HNF4A: variants seen among roughly 807,000 people sequenced by gnomAD.
HNF4A encodes hepatocyte nuclear factor 4-alpha.
Under a neutral mutation model 52.4 loss-of-function variants are expected in HNF4A, and 15 were observed. The ratio of observed to expected loss-of-function variants is 0.29; its 90% CI spans 0.19 to 0.44. The LOEUF (loss-of-function observed/expected upper bound fraction) is 0.44, where lower values mean the gene tolerates loss of function less well. Ranked by LOEUF, HNF4A falls within the 20% of genes least tolerant of loss-of-function variation. HNF4A has a pLI of 1.00. For synonymous variants in HNF4A, 280 were observed against 264.4 expected (o/e 1.06, Z -0.57); for missense variants, 479 against 647.2 (o/e 0.74, Z 2.82).
chr20:44,379,404 G>A (rs920424156), intron 1 of HNF4A, among the ~76,000 whole-genome samples: 6 of 151,882 alleles, frequency 4.0e-5, no homozygotes, highest in East Asian at 1.9e-4. Context: ...ACTATTTTAC[G>A]TTCCCACCAG....
At chr20:44,405,381 G>C (rs2063486352) in intron 1 of HNF4A, among the ~76,000 whole-genome samples, 1 of 152,178 alleles carries the variant, frequency 6.6e-6, no homozygotes. Context: ...GGAAAGCGAA[G>C]TTGCCCAAGT....
At chr20:44,367,771 A>G (rs1974131404) in intron 1 of HNF4A, among the ~76,000 whole-genome samples, 1 of 152,090 alleles carries the variant, frequency 6.6e-6, no homozygotes, top group Non-Finnish European at 1.5e-5. Context: ...ACAAAGTGAG[A>G]AAATAAATAA....
At chr20:44,392,463 G>A (rs925925990) in intron 1 of HNF4A, among the ~76,000 whole-genome samples, 10 of 151,986 alleles carry the variant, frequency 6.6e-5, no homozygotes, top group African/African-American at 1.7e-4. Context: ...CCCAAGATTC[G>A]ATCATTGATC....
At chr20:44,370,088 G>A (rs529382902) in intron 1 of HNF4A, among the ~76,000 whole-genome samples, 148 of 151,836 alleles carry the variant, frequency 9.7e-4, no homozygotes, top group African/African-American at 3.3e-3. Context: ...GTGCGGTGGC[G>A]CGATCTCGGC....
Position 44,428,365 on chromosome 20 carries a change from AC to A in HNF4A, c.1165del (p.Leu389CysfsTer5), listed in dbSNP as rs1283736704. 1 of 1,613,398 alleles carries A rather than the reference AC, an allele frequency of 6.2e-7. No individual in the cohort carries two copies. Among genetic ancestry groups the A allele is most frequent in the Non-Finnish European group, 8.5e-7 (1 of 1,179,832 alleles). On this transcript the variant is annotated frameshift_variant, in exon 9 of 10. Coordinates refer to ENST00000316099, the MANE Select transcript of HNF4A (RefSeq NM_000457.6). LOFTEE classifies it high-confidence loss of function. ...CCCAGCGATGCACCCCATGCCCACC[AC>A]CCCCTGCACCCTCACCTGATGCAGG... is the stretch of plus-strand genomic sequence containing the variant.
Position 44,407,481 on chromosome 20 carries a change from C to A in HNF4A, c.385+6C>A. 1.3e-6 allele frequency: 2 copies of A among 1,576,220 alleles called. No homozygotes were observed. Among genetic ancestry groups the A allele is most frequent in the Non-Finnish European group, 1.7e-6 (2 of 1,156,924 alleles). ...GGCTGGCATGAAGAAGGAAGGTGAG[C>A]CTCGGCCCTCCCCGCCCCACCACCA... On this transcript the variant is annotated splice_donor_region_variant and intron_variant, in intron 3 of 9. Coordinates refer to ENST00000316099, the MANE Select transcript of HNF4A (RefSeq NM_000457.6).
chr20:44,403,779 T>C (rs2063443569), intron 1 of HNF4A, among the ~76,000 whole-genome samples: 1 of 152,162 alleles, frequency 6.6e-6, no homozygotes, highest in Admixed American at 6.5e-5. Flanking sequence ...AAGCCACTTT[T>C]CCTCTCTAAG....
At chr20:44,380,361 C>G (rs548357338) in intron 1 of HNF4A, among the ~76,000 whole-genome samples, 2 of 152,210 alleles carry the variant, frequency 1.3e-5, no homozygotes, top group Non-Finnish European at 2.9e-5. Context: ...GCAGCAGGAT[C>G]GTGGCTCACC....
At chr20:44,367,227 C>T (rs1320420178) in intron 1 of HNF4A, among the ~76,000 whole-genome samples, 2 of 150,654 alleles carry the variant, frequency 1.3e-5, no homozygotes, top group African/African-American at 4.9e-5. Flanking sequence ...CCCAGCTACT[C>T]GGGAGGCTGA....
chr20:44,401,187 C>G, upstream of HNF4A: 2 of 1,476,982 alleles, frequency 1.4e-6, no homozygotes, highest in Admixed American at 2.1e-5. Context: ...ACCCCCACCC[C>G]TCCCCGGCAG....
chr20:44,410,085 G>A (rs1002184977), intron 3 of HNF4A, among the ~76,000 whole-genome samples: 6 of 152,132 alleles, frequency 3.9e-5, no homozygotes, highest in South Asian at 2.1e-4. Context: ...GATCCGCCTC[G>A]GCCTCCCAAA....
rs1397751041 is a variant in HNF4A, at chr20:44,401,423, T to C, written c.51T>C (p.Ala17=). 1.2e-6 allele frequency: 2 copies of C among 1,614,026 alleles called. No individual in the cohort carries two copies. Among genetic ancestry groups the C allele is most frequent in the Non-Finnish European group, 1.7e-6 (2 of 1,180,020 alleles). ...ACATGGACATGGCCGACTACAGTGC[T>C]GCACTGGACCCAGCCTACACCACCC... is the stretch of plus-strand genomic sequence containing the variant. The change falls in exon 1 of 10, where the codon GCT becomes GCC. Residue 17 remains alanine (A), a synonymous_variant. Transcript: ENST00000316099.
intron 1 of HNF4A, among the ~76,000 whole-genome samples, chr20:44,374,129 G>A (rs2063061174): frequency 6.6e-6 from 1 of 152,178 alleles, no homozygotes; most frequent in South Asian, 2.1e-4. Flanking sequence ...GAGTTTTTTA[G>A]CCCTTGCCCT....
At chr20:44,390,355 C>A (rs1046879840) in intron 1 of HNF4A, 9 of 440,182 alleles carry the variant, frequency 2.0e-5, no homozygotes, top group Admixed American at 7.9e-5. Flanking sequence ...CAGAGCAGGA[C>A]CCAGGAGTCC....
At position 44,411,965 on chromosome 20, in the gene HNF4A, G is replaced by C. The variant is rs9680046; in HGVS notation, c.386-1729G>C. Among the ~76,000 whole-genome samples the C allele has an allele frequency of 6.2e-3, 939 of 152,078 alleles. 5 individuals carry two copies. Among genetic ancestry groups the C allele is most frequent in the African/African-American group, 0.02 (842 of 41,468 alleles). On this transcript the variant is annotated intron_variant, in intron 3 of 9. Transcript: ENST00000316099. Reference sequence around the variant, plus strand: ...CCAGCTATTCGGGAGGCTGAGGCAGGAGGATCGCTTGAGCCCAGGAGGTTG... The same window carrying C: ...CCAGCTATTCGGGAGGCTGAGGCAGCAGGATCGCTTGAGCCCAGGAGGTTG...
downstream of HNF4A, chr20:44,434,254 C>G (rs2063904062): frequency 6.6e-6 from 1 of 152,190 alleles, no homozygotes; most frequent in East Asian, 1.9e-4. Flanking sequence ...GGGCAGATGT[C>G]AGGATTCAAT....
intron 1 of HNF4A, among the ~76,000 whole-genome samples, chr20:44,403,730 A>G (rs1388292614): frequency 1.3e-5 from 2 of 152,096 alleles, no homozygotes; most frequent in East Asian, 3.9e-4. Flanking sequence ...CCATAAACCC[A>G]TGGCTCTGCT....
At chr20:44,396,742 T>A (rs907304470), upstream of HNF4A, among the ~76,000 whole-genome samples, 1 of 152,190 alleles carries the variant, frequency 6.6e-6, no homozygotes, top group Non-Finnish European at 1.5e-5. Flanking sequence ...CTACACGTGG[T>A]CATTTAATGC....
At chr20:44,398,194 G>C (rs2063370708), upstream of HNF4A, among the ~76,000 whole-genome samples, 1 of 152,178 alleles carries the variant, frequency 6.6e-6, no homozygotes, top group African/African-American at 2.4e-5. Context: ...TATTTAAAAT[G>C]TAAAGTTGTA....
Sources: allele counts gnomAD v4.1 joint callset (sites outside exome capture counted in the v4.1 genomes callset), GRCh38; gene constraint gnomAD v4.1.1; transcripts MANE v1.5; gene names NCBI Gene and HGNC (gene_info 2026-07-23, HGNC 2026-07-21).